CSMD1: variants seen among roughly 807,000 people sequenced by gnomAD.
The protein encoded by CSMD1 is CUB and Sushi multiple domains 1, also known as CUB and sushi domain-containing protein 1.
In CSMD1, 213 loss-of-function variants were observed where a neutral mutation model predicts 417.5. The observed-to-expected ratio is 0.51, with a 90% CI of 0.46 to 0.57. CSMD1 has a LOEUF of 0.57. Among genes scored for constraint, CSMD1 ranks in the 20% least tolerant of loss-of-function variants. The probability of loss-of-function intolerance (pLI) is 0.00; values close to 1 mark genes in which losing one functional copy is unlikely to be tolerated. For missense variants in CSMD1, 6,923 were observed against 4,529.7 expected (o/e 1.53, Z -15.17); for synonymous variants, 2,862 against 1,736.8 (o/e 1.65, Z -16.11).
At chr8:4,760,810 A>G (rs550847377) in intron 1 of CSMD1, among the ~76,000 whole-genome samples, 1 of 152,322 alleles carries the variant, frequency 6.6e-6, no homozygotes, top group Non-Finnish European at 1.5e-5. Flanking sequence ...ACGCAAAAAG[A>G]TCTGCTGCAT....
chr8:3,264,135 C>T (rs770582049), intron 26 of CSMD1, among the ~76,000 whole-genome samples: 1 of 152,102 alleles, frequency 6.6e-6, no homozygotes, highest in Non-Finnish European at 1.5e-5. Context: ...AACTGATTCC[C>T]AGCTTTCTAG....
intron 3 of CSMD1, among the ~76,000 whole-genome samples, chr8:4,088,240 C>G (rs940729808): frequency 6.6e-6 from 1 of 152,188 alleles, no homozygotes; most frequent in African/African-American, 2.4e-5. Flanking sequence ...CTCTCAGAAG[C>G]TGAGAAGTAG....
rs377707025 is a variant in CSMD1, at chr8:3,113,782, T to TG, written c.6431-3448dup. Among the ~76,000 whole-genome samples, 394 of 152,260 alleles carry TG rather than the reference T, an allele frequency of 2.6e-3. 1 individual carries two copies. Among genetic ancestry groups the TG allele is most frequent in the Non-Finnish European group, 4.7e-3 (323 of 68,012 alleles). On this transcript the variant is annotated intron_variant, in intron 42 of 69. Coordinates refer to ENST00000635120, the MANE Select transcript of CSMD1 (RefSeq NM_033225.6). ...AGCTCGAAGATACCAGAAAATCAAC[T>TG]GGGGGGTTGGCACACCTTGGCACAG...
chr8:4,302,256 A>G (rs1438166106), intron 3 of CSMD1, among the ~76,000 whole-genome samples: 1 of 152,230 alleles, frequency 6.6e-6, no homozygotes, highest in African/African-American at 2.4e-5. Flanking sequence ...GTTTTAGGTG[A>G]TGGTCTGGGA....
chr8:4,370,996 A>G (rs11779929), intron 3 of CSMD1, among the ~76,000 whole-genome samples: 34,244 of 152,156 alleles, frequency 0.23, 3,992 homozygotes, highest in Admixed American at 0.28. Flanking sequence ...AAGAAGACAC[A>G]CTGACCTTTA....
At chr8:4,431,146 T>G (rs6991612) in intron 2 of CSMD1, among the ~76,000 whole-genome samples, 22 of 152,028 alleles carry the variant, frequency 1.4e-4, no homozygotes, top group Non-Finnish European at 1.3e-4. Flanking sequence ...AGGCTCTAAA[T>G]GATTTGCTCA....
intron 18 of CSMD1, among the ~76,000 whole-genome samples, chr8:3,386,807 T>C (rs1167226243): frequency 6.6e-6 from 1 of 152,200 alleles, no homozygotes; most frequent in African/African-American, 2.4e-5. Flanking sequence ...ACTGGGGTTA[T>C]ATTCATGGTC....
At chr8:4,393,021 G>T (rs1396909233) in intron 3 of CSMD1, among the ~76,000 whole-genome samples, 1 of 152,110 alleles carries the variant, frequency 6.6e-6, no homozygotes, top group Non-Finnish European at 1.5e-5. Context: ...TGTCATCCAG[G>T]CTGGAGTGCA....
rs565077605 is a variant in CSMD1 at position 3,552,341 on chromosome 8, A to G, written c.1344+22604T>C. Among the ~76,000 whole-genome samples, 4 of 151,974 alleles carry G rather than the reference A, an allele frequency of 2.6e-5. No individual in the cohort carries two copies. In the South Asian group the frequency reaches 8.3e-4, roughly 32 times the overall value. ...GTCAGCTTATTCTCTTTTTTTTTGC[A>G]TATTTCTAAATTAAAGAAAACTAAA... On this transcript the variant is annotated intron_variant, in intron 10 of 69. Coordinates refer to ENST00000635120, the MANE Select transcript of CSMD1 (RefSeq NM_033225.6).
At chr8:4,782,014 T>C (rs999460006) in intron 1 of CSMD1, among the ~76,000 whole-genome samples, 5 of 152,198 alleles carry the variant, frequency 3.3e-5, no homozygotes, top group African/African-American at 1.2e-4. Context: ...CCTCTATTTA[T>C]GCACCTTTCT....
At chr8:4,786,891 AATAAG>A (rs1391098426) in intron 1 of CSMD1, among the ~76,000 whole-genome samples, 4 of 152,218 alleles carry the variant, frequency 2.6e-5, no homozygotes, top group African/African-American at 7.2e-5. Context: ...AATGCTAAGA[AATAAG>A]ATAAAAGTAG....
At chr8:4,482,385 G>A (rs1030937147) in intron 2 of CSMD1, among the ~76,000 whole-genome samples, 6 of 152,118 alleles carry the variant, frequency 3.9e-5, no homozygotes, top group African/African-American at 1.4e-4. Flanking sequence ...TAAGGATAAT[G>A]GCCTCCAGCT....
intron 68 of CSMD1, among the ~76,000 whole-genome samples, chr8:2,947,690 A>T (rs975272821): frequency 6.6e-6 from 1 of 152,200 alleles, no homozygotes; most frequent in Non-Finnish European, 1.5e-5. Flanking sequence ...CAAAATTACT[A>T]GAGCGTGTGC....
At chr8:4,000,509 C>G (rs1206178811) in intron 4 of CSMD1, among the ~76,000 whole-genome samples, 1 of 152,214 alleles carries the variant, frequency 6.6e-6, no homozygotes, top group Non-Finnish European at 1.5e-5. Flanking sequence ...GAATTCAGCT[C>G]TAAGCCCCTT....
chr8:4,351,207 G>A (rs1471581044), intron 3 of CSMD1, among the ~76,000 whole-genome samples: 5 of 151,844 alleles, frequency 3.3e-5, no homozygotes, highest in South Asian at 2.1e-4. Flanking sequence ...TTAATAAAAT[G>A]TACCAAGTTT....
rs548593918 is a variant in CSMD1, at chr8:4,694,353, A to AT, written c.86-56796dup. 4.9e-4 allele frequency among the ~76,000 whole-genome samples: 74 copies of AT among 151,580 alleles called. No individual in the cohort carries two copies. The South Asian group carries it at 5.2e-3, about 11-fold the overall frequency. On this transcript the variant is annotated intron_variant, in intron 1 of 69. Coordinates refer to ENST00000635120, the MANE Select transcript of CSMD1 (RefSeq NM_033225.6). The stretch of plus-strand genomic sequence containing the variant: ...AAAAACCAAAGTACTTCTTTTTTTT[A>AT]TTTTTTTTATTTTTTTGAGACGGAG...
At chr8:4,698,262 G>A (rs760207832) in intron 1 of CSMD1, among the ~76,000 whole-genome samples, 4 of 151,676 alleles carry the variant, frequency 2.6e-5, no homozygotes, top group Non-Finnish European at 4.4e-5. Context: ...TCAACATGAA[G>A]AGCTGTGTCG....
intron 6 of CSMD1, among the ~76,000 whole-genome samples, chr8:3,717,062 G>C (rs1336703792): frequency 6.6e-6 from 1 of 152,124 alleles, no homozygotes; most frequent in African/African-American, 2.4e-5. Context: ...CTGTGGTGAA[G>C]TCTGATACTA....
chr8:4,745,252 G>T (rs1419938793), intron 1 of CSMD1, among the ~76,000 whole-genome samples: 2 of 152,080 alleles, frequency 1.3e-5, no homozygotes, highest in Non-Finnish European at 2.9e-5. Context: ...GTCCTAGAGA[G>T]AATTGTATTT....
Sources: allele counts gnomAD v4.1 joint callset (sites outside exome capture counted in the v4.1 genomes callset), GRCh38; gene constraint gnomAD v4.1.1; transcripts MANE v1.5; gene names NCBI Gene and HGNC (gene_info 2026-07-23, HGNC 2026-07-21).